The following HERC2 variants were observed in gnomAD, a reference collection of about 807,000 sequenced individuals.
The protein encoded by HERC2 is E3 ubiquitin-protein ligase HERC2.
Under a neutral mutation model 537.7 loss-of-function variants are expected in HERC2, and 102 were observed. That is an observed-to-expected ratio of 0.19 (90% CI 0.16 to 0.22). The LOEUF (loss-of-function observed/expected upper bound fraction) is 0.22. Among genes scored for constraint, HERC2 ranks in the 10% least tolerant of loss-of-function variants. The pLI, the probability that HERC2 is intolerant of heterozygous loss-of-function variation, is 1.00. For missense variants in HERC2, 4,236 were observed against 6,198.2 expected (o/e 0.68, Z 10.63); for synonymous variants, 2,224 against 2,466.2 (o/e 0.90, Z 2.91).
intron 85 of HERC2, among the ~76,000 whole-genome samples, 162 bp from the exon 86 acceptor site, chr15:28,121,591 G>A (rs1270314425): frequency 2.6e-5 from 4 of 152,190 alleles, no homozygotes; most frequent in Non-Finnish European, 4.4e-5. Flanking sequence ...AGGGGAACAG[G>A]CTGGCCCCGA....
At chr15:28,117,203 G>T in intron 86 of HERC2, 49 bp from the exon 87 acceptor site, 1 of 1,589,902 alleles carries the variant, frequency 6.3e-7, no homozygotes, top group Non-Finnish European at 8.6e-7. Context: ...GCAGCAGGAA[G>T]CACACAGTCG....
At chr15:28,223,287 G>T (rs1900724861) in intron 35 of HERC2, among the ~76,000 whole-genome samples, 2 of 152,168 alleles carry the variant, frequency 1.3e-5, no homozygotes, top group Admixed American at 1.3e-4. Context: ...GGGGGTAGGA[G>T]TGTGGTTCTG....
intron 35 of HERC2, among the ~76,000 whole-genome samples, chr15:28,222,922 G>A (rs143548700): frequency 6.6e-6 from 1 of 152,306 alleles, no homozygotes; most frequent in Non-Finnish European, 1.5e-5. Flanking sequence ...AGTTAAGCTC[G>A]TCCTGTGTGG....
At chr15:28,144,053 T>G in intron 73 of HERC2, 24 bp downstream of exon 73, 1 of 1,614,086 alleles carries the variant, frequency 6.2e-7, no homozygotes, top group South Asian at 1.1e-5. Flanking sequence ...GGAAGACAGA[T>G]GTAACTGTAA....
chr15:28,135,258 C>A (rs2142190292), intron 79 of HERC2, among the ~76,000 whole-genome samples: 1 of 152,264 alleles, frequency 6.6e-6, no homozygotes, highest in Middle Eastern at 3.4e-3. Context: ...ATCAAAAACA[C>A]AGAATTGACT....
chr15:28,320,197 C>A (rs138768597), intron 2 of HERC2: 544 of 150,398 alleles, frequency 3.6e-3, no homozygotes, highest in African/African-American at 0.012. Context: ...CCATTGCAAC[C>A]TCCACCTCCC....
At chr15:28,203,795 C>G (rs1898126112) in intron 45 of HERC2, 2 of 151,954 alleles carry the variant, frequency 1.3e-5, no homozygotes, top group Admixed American at 6.5e-5. Context: ...AAATCTACAG[C>G]TGAATCTAAA....
At position 28,152,663 on chromosome 15, in the gene HERC2, G is replaced by A; in HGVS notation, c.10900+14C>T. ...GGAAAGGCTGCAGCTCCCCGCTGGG[G>A]CCAGCCCCTGTACCTGGTATCTTCA... On this transcript the variant is annotated intron_variant, in intron 70 of 92. Transcript: ENST00000261609. 1 of 1,535,682 alleles carries A rather than the reference G, an allele frequency of 6.5e-7. No homozygotes were observed. Among genetic ancestry groups the A allele is most frequent in the Non-Finnish European group, 8.8e-7 (1 of 1,136,768 alleles).
At chr15:28,158,639 T>G (rs866604721) in intron 69 of HERC2, among the ~76,000 whole-genome samples, 3 of 152,204 alleles carry the variant, frequency 2.0e-5, no homozygotes, top group African/African-American at 7.2e-5. Flanking sequence ...TCTCTGCACA[T>G]GAGATGGGTT....
Position 28,196,333 on chromosome 15 carries a change from A to G in HERC2, c.8142T>C (p.Phe2714=), listed in dbSNP as rs767767299. ...PGVTCDGCQM[F]PINGSRFKCR... is the part of the protein sequence containing the mutation. ...ATTTGAATCTGGATCCATTGATAGG[A>G]AACATCTGACATCCATCACACCTAT... The change falls in exon 52 of 93, where the codon TTT becomes TTC. Residue 2714 remains phenylalanine (F), a synonymous_variant. Coordinates refer to ENST00000261609, the MANE Select transcript of HERC2 (RefSeq NM_004667.6). 2.1e-6 allele frequency: 3 copies of G among 1,415,972 alleles called. No individual in the cohort carries two copies. The African/African-American group carries it at 4.3e-5, about 20-fold the overall frequency. 87.7% of individuals were successfully genotyped at this position (1,415,972 alleles called of 1,614,324 possible). A position where few individuals can be genotyped will look rare whatever the true frequency, so the allele number is the denominator to read the frequency against.
chr15:28,274,151 A>G, intron 7 of HERC2, 140 bp downstream of exon 7: 1 of 733,546 alleles, frequency 1.4e-6, no homozygotes, highest in Non-Finnish European at 2.2e-6. Context: ...CCAGACCCGG[A>G]ATCACAGCAC....
intron 4 of HERC2, among the ~76,000 whole-genome samples, chr15:28,285,029 G>C (rs1377728311): frequency 6.7e-6 from 1 of 148,736 alleles, no homozygotes; most frequent in East Asian, 2.0e-4. Context: ...AATTCAAAAC[G>C]TGCATACACC....
At chr15:28,236,786 C>T (rs1037409120) in intron 26 of HERC2, among the ~76,000 whole-genome samples, 177 bp downstream of exon 26, 3 of 151,770 alleles carry the variant, frequency 2.0e-5, no homozygotes, top group Admixed American at 6.6e-5. Context: ...TGGGGTTTTG[C>T]CATGTTGCCC....
At chr15:28,206,749 C>CA (rs1452626499) in intron 44 of HERC2, among the ~76,000 whole-genome samples, 1 of 142,212 alleles carries the variant, frequency 7.0e-6, no homozygotes, top group African/African-American at 2.6e-5. Context: ...AGGAGAATGG[C>CA]ATGAACCTGG....
chr15:28,162,607 G>A (rs1893718473), intron 69 of HERC2, among the ~76,000 whole-genome samples: 1 of 152,092 alleles, frequency 6.6e-6, no homozygotes, highest in East Asian at 1.9e-4. Flanking sequence ...AACAGGTAAA[G>A]GGGCCAGGTT....
intron 25 of HERC2, among the ~76,000 whole-genome samples, chr15:28,237,323 G>A: frequency 6.6e-6 from 1 of 152,232 alleles, no homozygotes; most frequent in Non-Finnish European, 1.5e-5. Context: ...AAAGCAGGCA[G>A]CAACTGCACA....
intron 32 of HERC2, 31 bp from the exon 33 acceptor site, chr15:28,229,627 T>C: frequency 6.3e-7 from 1 of 1,594,436 alleles, no homozygotes; most frequent in Admixed American, 1.7e-5. Context: ...CAGTTAAGTG[T>C]TATGTATATT....
chr15:28,291,060 G>A (rs539318253), intron 4 of HERC2, among the ~76,000 whole-genome samples: 8 of 152,356 alleles, frequency 5.3e-5, no homozygotes, highest in Non-Finnish European at 1.2e-4. Context: ...TGGGAAGACT[G>A]ATCCAAACGG....
intron 4 of HERC2, among the ~76,000 whole-genome samples, chr15:28,283,979 C>T (rs1162034001): frequency 2.0e-5 from 3 of 152,000 alleles, no homozygotes; most frequent in Admixed American, 1.3e-4. Flanking sequence ...GGGGATAGGA[C>T]CCAAGTCTAA....
Sources: allele counts gnomAD v4.1 joint callset (sites outside exome capture counted in the v4.1 genomes callset), GRCh38; gene constraint gnomAD v4.1.1; transcripts MANE v1.5; gene names NCBI Gene and HGNC (gene_info 2026-07-23, HGNC 2026-07-21).